Variants in ADAMTSL3 observed in about 807,000 individuals in gnomAD.
The protein encoded by ADAMTSL3 is ADAMTS like 3, also known as ADAMTS-like protein 3.
In ADAMTSL3, 128 loss-of-function variants were observed where a neutral mutation model predicts 201.7. The observed-to-expected ratio is 0.63, with a 90% CI of 0.55 to 0.73. ADAMTSL3 has a LOEUF of 0.73. Ranked by LOEUF, ADAMTSL3 falls within the 30% of genes least tolerant of loss-of-function variation. The pLI is 0.00. For synonymous variants in ADAMTSL3, 738 were observed against 748.4 expected (o/e 0.99, Z 0.23); for missense variants, 1,990 against 2,119.6 (o/e 0.94, Z 1.20).
At chr15:83,681,757 G>A (rs2061478802) in intron 2 of ADAMTSL3, among the ~76,000 whole-genome samples, 2 of 152,150 alleles carry the variant, frequency 1.3e-5, no homozygotes. Flanking sequence ...TGCATGGTAA[G>A]AGAAAGAGAG....
At chr15:83,738,281 C>T (rs953882056) in intron 3 of ADAMTSL3, among the ~76,000 whole-genome samples, 1 of 152,038 alleles carries the variant, frequency 6.6e-6, no homozygotes, top group Non-Finnish European at 1.5e-5. Context: ...TCTTTCTCAC[C>T]CACTTTCCCC....
chr15:83,812,024 G>C (rs2063706733), intron 5 of ADAMTSL3, among the ~76,000 whole-genome samples: 1 of 152,170 alleles, frequency 6.6e-6, no homozygotes, highest in African/African-American at 2.4e-5. Context: ...GCACAGGAGA[G>C]ATTATGCAAG....
intron 2 of ADAMTSL3, among the ~76,000 whole-genome samples, chr15:83,674,740 T>TATATACACAC (rs2061374705): frequency 1.5e-5 from 2 of 134,430 alleles, no homozygotes; most frequent in African/African-American, 3.0e-5. Context: ...TATACACACA[T>TATATACACAC]ATATACATAT....
chr15:83,657,196 A>G (rs1169509313), intron 2 of ADAMTSL3, among the ~76,000 whole-genome samples: 1 of 147,240 alleles, frequency 6.8e-6, no homozygotes, highest in African/African-American at 2.6e-5. Flanking sequence ...TCCTGGTCAA[A>G]TGGGGCTGAG....
At chr15:83,998,623 C>A (rs2067733251) in intron 23 of ADAMTSL3, among the ~76,000 whole-genome samples, 1 of 152,118 alleles carries the variant, frequency 6.6e-6, no homozygotes. Flanking sequence ...ATTTGAACAG[C>A]CTTAGATGGA....
At chr15:83,864,198 G>T (rs1282264565) in intron 8 of ADAMTSL3, among the ~76,000 whole-genome samples, 3 of 152,154 alleles carry the variant, frequency 2.0e-5, no homozygotes, top group Non-Finnish European at 4.4e-5. Flanking sequence ...GGAGGAGCTG[G>T]TACCATTCCT....
intron 13 of ADAMTSL3, among the ~76,000 whole-genome samples, chr15:83,894,182 C>G (rs772753150): frequency 1.3e-5 from 2 of 152,158 alleles, no homozygotes; most frequent in Non-Finnish European, 2.9e-5. Flanking sequence ...AAGGAGGTAG[C>G]ACTTGAACCT....
intron 7 of ADAMTSL3, among the ~76,000 whole-genome samples, chr15:83,851,494 A>G (rs1181749920): frequency 6.6e-6 from 1 of 152,242 alleles, no homozygotes; most frequent in African/African-American, 2.4e-5. Flanking sequence ...ACCACAGCCT[A>G]CATTCACAAA....
intron 7 of ADAMTSL3, among the ~76,000 whole-genome samples, chr15:83,841,421 A>C (rs929754096): frequency 6.6e-6 from 1 of 152,216 alleles, no homozygotes; most frequent in Non-Finnish European, 1.5e-5. Flanking sequence ...TCTGTTGCTT[A>C]TGAGCTGTGC....
intron 6 of ADAMTSL3, among the ~76,000 whole-genome samples, chr15:83,836,765 A>G (rs1049047625): frequency 6.6e-6 from 1 of 152,130 alleles, no homozygotes; most frequent in Non-Finnish European, 1.5e-5. Context: ...TATTATCTCT[A>G]TTTTACTGTT....
chr15:83,889,454 G>GA lies in ADAMTSL3; in HGVS notation c.1073-649dup, dbSNP rs1339562566. Among the ~76,000 whole-genome samples the GA allele has an allele frequency of 3.9e-5, 6 of 152,230 alleles. 1 individual carries two copies. The South Asian group carries it at 1.2e-3, about 32-fold the overall frequency. On this transcript the variant is annotated intron_variant, in intron 10 of 29. Transcript: ENST00000286744. ...AGTTCTCAAAAACATGATGTTGAGT[G>GA]AAAAAAGTGGAAAACGGAACAAGAT...
At chr15:83,960,634 G>T (rs1458817561) in intron 19 of ADAMTSL3, among the ~76,000 whole-genome samples, 2 of 152,158 alleles carry the variant, frequency 1.3e-5, no homozygotes, top group Non-Finnish European at 2.9e-5. Context: ...AAGAAGGAGG[G>T]GGGAGGGGCA....
At chr15:83,852,401 A>G (rs531215269) in intron 7 of ADAMTSL3, among the ~76,000 whole-genome samples, 1 of 152,354 alleles carries the variant, frequency 6.6e-6, no homozygotes, top group South Asian at 2.1e-4. Flanking sequence ...GGCGTGAGCC[A>G]CTGCACCCAG....
At chr15:83,920,788 TTAAA>T (rs1305782478) in intron 16 of ADAMTSL3, among the ~76,000 whole-genome samples, 1 of 152,200 alleles carries the variant, frequency 6.6e-6, no homozygotes, top group Non-Finnish European at 1.5e-5. Flanking sequence ...TTCTATACCT[TTAAA>T]TAATTTTAAA....
In ADAMTSL3 at chr15:83,891,467, G is replaced by C; in HGVS notation, c.1262+88G>C. The stretch of plus-strand genomic sequence containing the variant: ...TGTAGCAATAGCCTAAAATGTATGA[G>C]GGTTAGATATTAAATACTTTATAGA... On this transcript the variant is annotated intron_variant, in intron 12 of 29. Coordinates refer to ENST00000286744, the MANE Select transcript of ADAMTSL3 (RefSeq NM_207517.3). 4 of 1,091,278 alleles carry C rather than the reference G, an allele frequency of 3.7e-6. No homozygotes were observed. The South Asian group carries it at 5.1e-5, about 14-fold the overall frequency. 67.6% of individuals were successfully genotyped at this position (1,091,278 alleles called of 1,614,324 possible). A position where few individuals can be genotyped will look rare whatever the true frequency, so the allele number is the denominator to read the frequency against.
intron 2 of ADAMTSL3, among the ~76,000 whole-genome samples, chr15:83,701,807 T>A (rs1343311060): frequency 6.6e-6 from 1 of 152,160 alleles, no homozygotes; most frequent in Non-Finnish European, 1.5e-5. Flanking sequence ...ACCAGCAGCA[T>A]GAAATTGGAC....
intron 23 of ADAMTSL3, among the ~76,000 whole-genome samples, chr15:83,994,854 C>T (rs538053278): frequency 6.6e-6 from 1 of 151,426 alleles, no homozygotes; most frequent in Admixed American, 6.6e-5. Flanking sequence ...AAGTAATCCA[C>T]CCACCTCAGC....
intron 5 of ADAMTSL3, 118 bp downstream of exon 5, chr15:83,804,813 G>GT (rs1304037382): frequency 2.9e-6 from 2 of 688,128 alleles, no homozygotes; most frequent in Admixed American, 8.0e-5. Flanking sequence ...GAAAACTTAA[G>GT]TATTTCTTTA....
At chr15:83,804,573 CTTTTTT>C in intron 4 of ADAMTSL3, 71 bp from the exon 5 acceptor site, 5 of 655,532 alleles carry the variant, frequency 7.6e-6, no homozygotes, top group South Asian at 4.9e-5. Flanking sequence ...CTTGTATTTG[CTTTTTT>C]TTTTTTTTTT....
Sources: gnomAD v4.1 joint callset for allele counts (sites outside exome capture counted in the v4.1 genomes callset) on GRCh38, gnomAD v4.1.1 for gene constraint, MANE v1.5 for transcripts, NCBI Gene and HGNC (gene_info 2026-07-23, HGNC 2026-07-21) for gene names.